Variants in PTPRT observed in about 807,000 individuals in gnomAD.
PTPRT encodes protein tyrosine phosphatase receptor type T.
A neutral mutation model predicts 176.8 loss-of-function variants in PTPRT; 56 were observed. That is an observed-to-expected ratio of 0.32 (90% CI 0.26 to 0.40). The LOEUF (loss-of-function observed/expected upper bound fraction) is 0.40. Ranked by LOEUF, PTPRT falls within the 10% of genes least tolerant of loss-of-function variation. The pLI is 1.00. For missense variants in PTPRT, 1,540 were observed against 1,908.2 expected, an observed-to-expected ratio of 0.81 and a Z score of 3.60; for synonymous variants, 783 against 739.0, an observed-to-expected ratio of 1.06 and a Z score of -0.96.
chr20:42,037,416 T>G, the PTPRT span, among the ~76,000 whole-genome samples: 143 of 152,176 alleles, frequency 9.4e-4, no homozygotes, highest in Non-Finnish European at 1.6e-3. Context: ...CTATAACACT[T>G]TCACCTCCAC....
At chr20:42,304,996 A>G (rs1444617966) in intron 12 of PTPRT, among the ~76,000 whole-genome samples, 1 of 152,168 alleles carries the variant, frequency 6.6e-6, no homozygotes, top group African/African-American at 2.4e-5. Context: ...AACCACCTAT[A>G]CTAGGCCTCT....
chr20:42,787,656 C>T (rs1048390653), intron 3 of PTPRT, among the ~76,000 whole-genome samples: 5 of 152,200 alleles, frequency 3.3e-5, no homozygotes, highest in South Asian at 2.1e-4. Context: ...CCCTTGTTCA[C>T]GCAACTGTGC....
intron 4 of PTPRT, among the ~76,000 whole-genome samples, chr20:42,777,364 C>A (rs2077152783): frequency 6.6e-6 from 1 of 152,170 alleles, no homozygotes; most frequent in Non-Finnish European, 1.5e-5. Flanking sequence ...CCACTATCTC[C>A]TCTGTCTGAA....
intron 7 of PTPRT, among the ~76,000 whole-genome samples, chr20:42,625,126 C>G (rs1313652281): frequency 6.6e-6 from 1 of 152,162 alleles, no homozygotes; most frequent in Admixed American, 6.5e-5. Context: ...TGGTCTGCAA[C>G]TGCAGTAAAA....
chr20:42,276,289 A>G (rs969671451), intron 13 of PTPRT, among the ~76,000 whole-genome samples: 3 of 151,276 alleles, frequency 2.0e-5, no homozygotes, highest in Admixed American at 6.6e-5. Flanking sequence ...TGAGGCCAAC[A>G]TCACTCCTGT....
intron 9 of PTPRT, among the ~76,000 whole-genome samples, chr20:42,355,307 T>A (rs1346366815): frequency 6.6e-6 from 1 of 152,194 alleles, no homozygotes; most frequent in Non-Finnish European, 1.5e-5. Context: ...GATGATTGGC[T>A]ACTTTCCTTT....
chr20:42,576,919 T>C (rs1319278690), intron 7 of PTPRT, among the ~76,000 whole-genome samples: 1 of 152,154 alleles, frequency 6.6e-6, no homozygotes, highest in East Asian at 1.9e-4. Context: ...ATTCTTGCCT[T>C]ACCGTCAGAT....
intron 7 of PTPRT, among the ~76,000 whole-genome samples, chr20:42,624,736 T>C (rs1213069126): frequency 1.3e-5 from 2 of 152,210 alleles, no homozygotes; most frequent in Admixed American, 6.5e-5. Context: ...TCATAGTTAA[T>C]TAACAATCAT....
chr20:42,500,856 G>C (rs2071739367), intron 7 of PTPRT, among the ~76,000 whole-genome samples: 2 of 152,078 alleles, frequency 1.3e-5, no homozygotes, highest in African/African-American at 4.8e-5. Context: ...TATTTTGTTT[G>C]ATTAATGTGG....
intron 1 of PTPRT, among the ~76,000 whole-genome samples, chr20:43,094,421 G>A (rs1280300101): frequency 1.8e-4 from 16 of 86,644 alleles, no homozygotes; most frequent in Admixed American, 8.2e-4. Flanking sequence ...TTTTTCAGAC[G>A]GAGTTTCGCT....
At chr20:42,873,507 G>C (rs1353577190) in intron 2 of PTPRT, among the ~76,000 whole-genome samples, 3 of 152,110 alleles carry the variant, frequency 2.0e-5, no homozygotes, top group African/African-American at 7.2e-5. Context: ...TTGACCAATA[G>C]AAACACAATG....
intron 8 of PTPRT, among the ~76,000 whole-genome samples, chr20:42,466,255 C>G (rs1254539777): frequency 6.6e-6 from 1 of 152,124 alleles, no homozygotes; most frequent in Non-Finnish European, 1.5e-5. Context: ...GATTTATATT[C>G]TGTTGGGTAT....
At chr20:42,819,034 T>C (rs2145647377) in intron 2 of PTPRT, among the ~76,000 whole-genome samples, 1 of 152,094 alleles carries the variant, frequency 6.6e-6, no homozygotes, top group South Asian at 2.1e-4. Flanking sequence ...AACATACAAA[T>C]TCAGGAAATG....
intron 1 of PTPRT, among the ~76,000 whole-genome samples, chr20:42,921,662 C>T (rs1017944677): frequency 3.3e-5 from 5 of 152,200 alleles, no homozygotes; most frequent in Admixed American, 6.5e-5. Context: ...TATCTCTTTG[C>T]TGTGCCTCAG....
intron 13 of PTPRT, among the ~76,000 whole-genome samples, chr20:42,266,742 T>C (rs1200170022): frequency 1.3e-5 from 2 of 152,178 alleles, no homozygotes; most frequent in African/African-American, 4.8e-5. Flanking sequence ...GAATATTTAC[T>C]GAGCCTCTTC....
chr20:42,806,020 T>TC (rs75182708), intron 2 of PTPRT, among the ~76,000 whole-genome samples: 1 of 151,216 alleles, frequency 6.6e-6, no homozygotes, highest in Admixed American at 6.6e-5. Context: ...TTTTTTTTTT[T>TC]AATCTTACAG....
chr20:42,397,126 T>C (rs1321316654), intron 9 of PTPRT, among the ~76,000 whole-genome samples: 2 of 152,190 alleles, frequency 1.3e-5, no homozygotes, highest in African/African-American at 4.8e-5. Flanking sequence ...TGGTGTCAGT[T>C]TTCCCACTGT....
At chr20:42,953,760 G>A (rs1981422565) in intron 1 of PTPRT, among the ~76,000 whole-genome samples, 1 of 152,136 alleles carries the variant, frequency 6.6e-6, no homozygotes, top group Non-Finnish European at 1.5e-5. Flanking sequence ...AGATGACTGA[G>A]CCTGGCTAAA....
At chr20:42,626,104 C>A (rs1466501722) in intron 7 of PTPRT, among the ~76,000 whole-genome samples, 1 of 151,834 alleles carries the variant, frequency 6.6e-6, no homozygotes, top group Non-Finnish European at 1.5e-5. Flanking sequence ...TTTCAGTGAC[C>A]GTATTTTTCT....
Sources: gnomAD v4.1 joint callset for allele counts (sites outside exome capture counted in the v4.1 genomes callset) on GRCh38, gnomAD v4.1.1 for gene constraint, MANE v1.5 for transcripts, NCBI Gene and HGNC (gene_info 2026-07-23, HGNC 2026-07-21) for gene names.